Variants in LRRC7 observed in about 807,000 individuals in gnomAD.
The protein encoded by LRRC7 is leucine-rich repeat-containing protein 7.
A neutral mutation model predicts 175.7 loss-of-function variants in LRRC7; 23 were observed. The ratio of observed to expected loss-of-function variants is 0.13; its 90% CI spans 0.09 to 0.19. The LOEUF is 0.19. LRRC7 is among the 10% of genes least tolerant of loss of function. LRRC7 has a pLI of 1.00. For synonymous variants in LRRC7, 685 were observed against 680.9 expected (o/e 1.01, Z -0.09); for missense variants, 1,354 against 1,904.7 (o/e 0.71, Z 5.38).
chr1:69,586,504 C>T (rs889956238), intron 1 of LRRC7, among the ~76,000 whole-genome samples: 13 of 151,916 alleles, frequency 8.6e-5, no homozygotes, highest in Admixed American at 7.2e-4. Flanking sequence ...TTCAATGTGG[C>T]GGGGGACAGG....
In LRRC7 at chr1:70,124,938, A is replaced by G. The variant is rs1337841483; in HGVS notation, c.*3051A>G. Among the ~76,000 whole-genome samples the G allele has an allele frequency of 6.6e-6, 1 of 152,222 alleles. No homozygotes were observed. The highest frequency in any genetic ancestry group is 1.5e-5 in the Non-Finnish European group (1 of 68,032). On this transcript the variant is annotated 3_prime_UTR_variant, in exon 27 of 27. Transcript: ENST00000651989. ...ACATTAGAGGTAGAAAGAGCAAGTG[A>G]TGAAAATTACTAGTAAAATTGCAAA...
intron 23 of LRRC7, among the ~76,000 whole-genome samples, chr1:70,072,510 C>A (rs1402366871): frequency 2.0e-5 from 3 of 152,098 alleles, no homozygotes; most frequent in Non-Finnish European, 2.9e-5. Context: ...TTGTGTAATT[C>A]TTTGCTTTCT....
At chr1:70,118,091 A>G (rs1034413289) in intron 26 of LRRC7, among the ~76,000 whole-genome samples, 2 of 141,732 alleles carry the variant, frequency 1.4e-5, no homozygotes, top group South Asian at 2.3e-4. Flanking sequence ...ACACACACAC[A>G]CGCACACGAA....
chr1:69,989,777 T>C lies in LRRC7; in HGVS notation c.931+3391T>C, dbSNP rs180679794. On this transcript the variant is annotated intron_variant, in intron 10 of 26. Coordinates refer to ENST00000651989, the MANE Select transcript of LRRC7 (RefSeq NM_001370785.2). ...CATTAAATACACAAGTAATTTATCATAATAAATGCATACACATAGTGCTAA... is the reference window on the plus strand; with the variant it reads ...CATTAAATACACAAGTAATTTATCACAATAAATGCATACACATAGTGCTAA... 1.3e-3 allele frequency among the ~76,000 whole-genome samples: 197 copies of C among 152,236 alleles called. 4 individuals carry two copies. In the East Asian group the frequency reaches 0.034, roughly 26 times the overall value.
chr1:69,997,773 C>G (rs1431883311), intron 11 of LRRC7, among the ~76,000 whole-genome samples: 20 of 151,712 alleles, frequency 1.3e-4, no homozygotes, highest in African/African-American at 4.8e-4. Context: ...GGTGGATAAG[C>G]TTTTTGATGT....
chr1:69,710,355 T>C (rs905220097), intron 2 of LRRC7, among the ~76,000 whole-genome samples: 1 of 150,732 alleles, frequency 6.6e-6, no homozygotes, highest in Non-Finnish European at 1.5e-5. Flanking sequence ...GCAGAAACAG[T>C]GGCCCAGTTT....
rs1667054675 is a variant in LRRC7, at chr1:70,141,339, G to A, written c.*19452G>A. 6.6e-6 allele frequency: 1 copy of A among 152,124 alleles called. No homozygotes were observed. Among genetic ancestry groups the A allele is most frequent in the African/African-American group, 2.4e-5 (1 of 41,450 alleles). 9.4% of individuals were successfully genotyped at this position (152,124 alleles called of 1,614,324 possible). The stretch of plus-strand genomic sequence containing the variant: ...GCAAATGAGACAATAGCTTCATGCA[G>A]ACTTTGGCCCAACTCTGTCTACAAA... On this transcript the variant is annotated 3_prime_UTR_variant, in exon 27 of 27. Coordinates refer to ENST00000651989, the MANE Select transcript of LRRC7 (RefSeq NM_001370785.2).
At chr1:70,117,396 A>C (rs1665933952) in intron 26 of LRRC7, among the ~76,000 whole-genome samples, 1 of 152,228 alleles carries the variant, frequency 6.6e-6, no homozygotes, top group Non-Finnish European at 1.5e-5. Flanking sequence ...CCAGGAGAGA[A>C]CAAGAGAGGA....
chr1:69,721,713 T>C (rs1339556101), intron 2 of LRRC7, among the ~76,000 whole-genome samples: 1 of 151,880 alleles, frequency 6.6e-6, no homozygotes, highest in African/African-American at 2.4e-5. Context: ...TTTTTTGCCA[T>C]GTAAAATAAT....
intron 1 of LRRC7, among the ~76,000 whole-genome samples, chr1:69,599,747 G>A (rs1773313): frequency 6.6e-6 from 1 of 151,998 alleles, no homozygotes; most frequent in South Asian, 2.1e-4. Flanking sequence ...ATTTTATTTG[G>A]ATATCTTTCC....
intron 2 of LRRC7, among the ~76,000 whole-genome samples, chr1:69,717,980 AAAG>A (rs1665803298): frequency 6.8e-6 from 1 of 146,442 alleles, no homozygotes; most frequent in African/African-American, 2.5e-5. Context: ...AAAGAGAAAG[AAAG>A]AGGAGGGAGA....
chr1:69,861,019 GAAGT>G (rs1684303785), intron 7 of LRRC7, among the ~76,000 whole-genome samples: 1 of 151,978 alleles, frequency 6.6e-6, no homozygotes, highest in Non-Finnish European at 1.5e-5. Flanking sequence ...GTCAAGGAGA[GAAGT>G]AAGTGAAAGA....
intron 7 of LRRC7, among the ~76,000 whole-genome samples, chr1:69,922,976 C>A (rs1646939356): frequency 6.6e-6 from 1 of 151,958 alleles, no homozygotes; most frequent in Non-Finnish European, 1.5e-5. Flanking sequence ...CCTCCTGCCA[C>A]CCCACAACAG....
At chr1:69,881,720 A>G (rs1686618142) in intron 7 of LRRC7, among the ~76,000 whole-genome samples, 1 of 102,906 alleles carries the variant, frequency 9.7e-6, no homozygotes, top group African/African-American at 3.6e-5. Flanking sequence ...TCTACAAAAA[A>G]AAAAACAAAA....
chr1:69,570,093 T>C (rs1645677527), intron 1 of LRRC7, among the ~76,000 whole-genome samples: 1 of 152,070 alleles, frequency 6.6e-6, no homozygotes, highest in Non-Finnish European at 1.5e-5. Flanking sequence ...TCCTGGTGGA[T>C]GAAAAGCAAT....
chr1:70,051,145 T>C (rs1660715888), intron 22 of LRRC7, among the ~76,000 whole-genome samples: 1 of 152,074 alleles, frequency 6.6e-6, no homozygotes, highest in Non-Finnish European at 1.5e-5. Flanking sequence ...AAAAAGAATT[T>C]GTAATTCTCA....
intron 7 of LRRC7, among the ~76,000 whole-genome samples, chr1:69,882,675 A>G (rs1686747602): frequency 1.3e-5 from 2 of 151,180 alleles, no homozygotes; most frequent in South Asian, 4.2e-4. Flanking sequence ...CAGGTTAGTT[A>G]CATATGTATA....
At chr1:69,964,292 C>G (rs1350819867) in intron 8 of LRRC7, among the ~76,000 whole-genome samples, 1 of 152,186 alleles carries the variant, frequency 6.6e-6, no homozygotes, top group African/African-American at 2.4e-5. Context: ...AGTTAATCCT[C>G]AGTATCCTCC....
chr1:69,817,106 T>G (rs551992265), intron 4 of LRRC7, among the ~76,000 whole-genome samples: 1 of 152,250 alleles, frequency 6.6e-6, no homozygotes, highest in African/African-American at 2.4e-5. Context: ...TTATTTTGTA[T>G]AGTCCTACTT....
Sources: gnomAD v4.1 joint callset for allele counts (sites outside exome capture counted in the v4.1 genomes callset) on GRCh38, gnomAD v4.1.1 for gene constraint, MANE v1.5 for transcripts, NCBI Gene and HGNC (gene_info 2026-07-23, HGNC 2026-07-21) for gene names.